ZNF385D: variants seen among roughly 807,000 people sequenced by gnomAD.
ZNF385D encodes the protein zinc finger protein 385D, also known as zinc finger protein 659.
A neutral mutation model predicts 35.8 loss-of-function variants in ZNF385D; 15 were observed. The observed-to-expected ratio is 0.42, with a 90% CI of 0.28 to 0.64. The LOEUF is 0.64. Among genes scored for constraint, ZNF385D ranks in the 30% least tolerant of loss-of-function variants. The pLI, the probability that ZNF385D is intolerant of heterozygous loss-of-function variation, is 0.23. For missense variants in ZNF385D, 474 were observed against 494.6 expected (o/e 0.96, Z 0.39); for synonymous variants, 212 against 186.8 (o/e 1.13, Z -1.10).
At chr3:22,109,539 C>A (rs1414064264) in intron 3 of ZNF385D, among the ~76,000 whole-genome samples, 1 of 152,106 alleles carries the variant, frequency 6.6e-6, no homozygotes, top group Non-Finnish European at 1.5e-5. Context: ...ATAGATGGGG[C>A]TGAGGCAAAT....
At position 21,413,902 on chromosome 3, in the gene ZNF385D, ATCAC is replaced by A. The variant is rs994676835; in HGVS notation, c.*7308_*7311del. On this transcript the variant is annotated 3_prime_UTR_variant, in exon 8 of 8. Coordinates refer to ENST00000281523, the MANE Select transcript of ZNF385D (RefSeq NM_024697.3). ...CTCATGTTAGTAAATAGACATACTT[ATCAC>A]TCAATTTATTCGACAGTGTCTGTTT... 4 of 152,124 alleles carry A rather than the reference ATCAC, an allele frequency of 2.6e-5. No homozygotes were observed. The highest frequency in any genetic ancestry group is 2.6e-4 in the Admixed American group (4 of 15,256). 9.4% of individuals were successfully genotyped at this position (152,124 alleles called of 1,614,324 possible). A position where few individuals can be genotyped will look rare whatever the true frequency, so the allele number is the denominator to read the frequency against.
intron 3 of ZNF385D, among the ~76,000 whole-genome samples, chr3:21,757,794 C>T (rs755297966): frequency 2.0e-5 from 3 of 152,166 alleles, no homozygotes; most frequent in Non-Finnish European, 4.4e-5. Flanking sequence ...TCACTGGTTA[C>T]AGTTTATTGC....
In ZNF385D at chr3:21,705,923, A is replaced by C. The variant is rs562317963; in HGVS notation, c.23-40895T>G. 3.9e-5 allele frequency among the ~76,000 whole-genome samples: 6 copies of C among 152,298 alleles called. No individual in the cohort carries two copies. In the East Asian group the frequency reaches 1.2e-3, roughly 29 times the overall value. ...ACCAAGCTCTGGTTGCCAAAGCCTC[A>C]GCCTGGGACATGTGCCCAGATGAGC... On this transcript the variant is annotated intron_variant, in intron 1 of 7. Coordinates refer to ENST00000281523, the MANE Select transcript of ZNF385D (RefSeq NM_024697.3).
intron 4 of ZNF385D, among the ~76,000 whole-genome samples, chr3:21,491,102 G>A (rs1705396238): frequency 7.5e-6 from 1 of 132,752 alleles, no homozygotes; most frequent in African/African-American, 2.9e-5. Context: ...GGAGCTTTCA[G>A]TCTTGCTTAG....
chr3:22,163,448 ATAAG>A (rs946029209), intron 3 of ZNF385D, among the ~76,000 whole-genome samples: 1 of 152,182 alleles, frequency 6.6e-6, no homozygotes, highest in African/African-American at 2.4e-5. Flanking sequence ...ATTTTCCTTA[ATAAG>A]TGAGATGACA....
At chr3:22,179,563 T>C (rs1352704191) in intron 2 of ZNF385D, among the ~76,000 whole-genome samples, 5 of 152,238 alleles carry the variant, frequency 3.3e-5, no homozygotes, top group Non-Finnish European at 5.9e-5. Flanking sequence ...CTTTTCCTAA[T>C]TGAATACCCT....
chr3:21,756,243 A>G (rs767656031), intron 3 of ZNF385D, among the ~76,000 whole-genome samples: 6 of 152,200 alleles, frequency 3.9e-5, no homozygotes, highest in Non-Finnish European at 7.3e-5. Flanking sequence ...CAGATTCTCT[A>G]CATGTACCAA....
intron 3 of ZNF385D, among the ~76,000 whole-genome samples, chr3:21,973,683 ACT>A (rs1200343070): frequency 2.0e-5 from 3 of 152,010 alleles, no homozygotes; most frequent in African/African-American, 2.4e-5. Context: ...AAACCTAAAG[ACT>A]CTGACAGAAA....
chr3:21,607,873 A>G (rs953765607), intron 2 of ZNF385D, among the ~76,000 whole-genome samples: 1 of 152,254 alleles, frequency 6.6e-6, no homozygotes, highest in South Asian at 2.1e-4. Flanking sequence ...TCCTTTTAAG[A>G]TGCTTAATTA....
intron 2 of ZNF385D, among the ~76,000 whole-genome samples, chr3:22,276,589 G>A (rs1701441192): frequency 1.3e-5 from 2 of 152,160 alleles, no homozygotes; most frequent in Admixed American, 6.5e-5. Flanking sequence ...GTTATACTTT[G>A]TGGATTAAAT....
At chr3:22,370,974 A>C (rs191151799) in intron 2 of ZNF385D, among the ~76,000 whole-genome samples, 117 of 152,248 alleles carry the variant, frequency 7.7e-4, no homozygotes, top group Non-Finnish European at 1.4e-3. Context: ...TAATACATTA[A>C]CTCAAGATGT....
At chr3:21,655,845 T>TTCAGC (rs1219690084) in intron 2 of ZNF385D, among the ~76,000 whole-genome samples, 6 of 152,170 alleles carry the variant, frequency 3.9e-5, no homozygotes, top group Middle Eastern at 3.4e-3. Context: ...TCTCTCTAAG[T>TTCAGC]TCAGCTTCCT....
chr3:21,542,348 T>TC (rs1269292629), intron 3 of ZNF385D, among the ~76,000 whole-genome samples: 8 of 150,400 alleles, frequency 5.3e-5, no homozygotes, highest in Non-Finnish European at 7.4e-5. Context: ...TCTCTTTCTT[T>TC]TTTTTTTTTT....
chr3:21,812,031 ATC>A (rs2072942272), intron 3 of ZNF385D, among the ~76,000 whole-genome samples: 2 of 152,218 alleles, frequency 1.3e-5, no homozygotes, highest in African/African-American at 4.8e-5. Context: ...ATATTTTCAA[ATC>A]TCTAAATATA....
chr3:21,908,238 G>GA (rs969507220), intron 3 of ZNF385D, among the ~76,000 whole-genome samples: 1 of 151,646 alleles, frequency 6.6e-6, no homozygotes, highest in African/African-American at 2.4e-5. Context: ...GGAATGAGTA[G>GA]AAAATTAGAT....
chr3:22,159,827 C>T (rs1705832459), intron 3 of ZNF385D, among the ~76,000 whole-genome samples: 1 of 151,920 alleles, frequency 6.6e-6, no homozygotes, highest in African/African-American at 2.4e-5. Flanking sequence ...TTTTCATGGC[C>T]TCCCCTCGGC....
intron 3 of ZNF385D, among the ~76,000 whole-genome samples, chr3:22,124,888 G>A (rs186781997): frequency 6.6e-4 from 101 of 152,204 alleles, no homozygotes; most frequent in Admixed American, 7.2e-4. Flanking sequence ...TTTGTTGACT[G>A]TTTCCTTGGC....
intron 2 of ZNF385D, among the ~76,000 whole-genome samples, chr3:22,320,229 G>A (rs1247459242): frequency 1.3e-5 from 2 of 151,974 alleles, no homozygotes; most frequent in Non-Finnish European, 2.9e-5. Context: ...AAAGGTCATT[G>A]AGGTTTATCT....
At chr3:22,224,981 C>G (rs142865306) in intron 2 of ZNF385D, among the ~76,000 whole-genome samples, 155 of 152,254 alleles carry the variant, frequency 1.0e-3, no homozygotes, top group African/African-American at 3.5e-3. Flanking sequence ...TTTCTGAAAA[C>G]ACACCATGTT....
Sources: gnomAD v4.1 joint callset for allele counts (sites outside exome capture counted in the v4.1 genomes callset) on GRCh38, gnomAD v4.1.1 for gene constraint, MANE v1.5 for transcripts, NCBI Gene and HGNC (gene_info 2026-07-23, HGNC 2026-07-21) for gene names.